Variants in FAT3 observed in about 807,000 individuals in gnomAD.
The protein encoded by FAT3 is FAT atypical cadherin 3.
Under a neutral mutation model 310.2 loss-of-function variants are expected in FAT3, and 95 were observed. That is an observed-to-expected ratio of 0.31 (90% confidence interval 0.26 to 0.36). The LOEUF is 0.36. Among genes scored for constraint, FAT3 ranks in the 10% least tolerant of loss-of-function variants. The pLI is 1.00. For synonymous variants in FAT3, 2,314 were observed against 2,192.9 expected (o/e 1.06, Z -1.54); for missense variants, 5,408 against 5,715.6 (o/e 0.95, Z 1.74).
intron 1 of FAT3, among the ~76,000 whole-genome samples, chr11:92,300,594 C>T (rs1423576590): frequency 2.6e-5 from 4 of 152,084 alleles, no homozygotes; most frequent in Non-Finnish European, 5.9e-5. Context: ...AAAATAGACC[C>T]TTCTCTTTGT....
intron 2 of FAT3, among the ~76,000 whole-genome samples, chr11:92,380,464 C>G (rs7119685): frequency 0.075 from 11,424 of 152,096 alleles, 606 homozygotes; most frequent in African/African-American, 0.14. Context: ...GTTTGAACGC[C>G]CTCAAAGAAA....
chr11:92,656,499 T>A (rs1942588141), intron 3 of FAT3, among the ~76,000 whole-genome samples: 1 of 152,204 alleles, frequency 6.6e-6, no homozygotes, highest in South Asian at 2.1e-4. Context: ...CATGTAGACA[T>A]CTTCTTGATG....
chr11:92,847,324 G>A (rs1029505796), intron 19 of FAT3, among the ~76,000 whole-genome samples: 3 of 152,130 alleles, frequency 2.0e-5, no homozygotes, highest in Non-Finnish European at 4.4e-5. Context: ...ACAGTAGCAT[G>A]CTGTACAAGC....
chr11:92,244,206 A>C (rs1439739616), intron 1 of FAT3, among the ~76,000 whole-genome samples: 1 of 152,044 alleles, frequency 6.6e-6, no homozygotes, highest in East Asian at 1.9e-4. Flanking sequence ...ATTTTCTTTT[A>C]CTGTGTTTAT....
chr11:92,352,862 A>G lies in FAT3; in HGVS notation c.750A>G (p.Ala250=), dbSNP rs1948606453. The G allele has an allele frequency of 3.1e-6, 5 of 1,613,852 alleles. No individual in the cohort carries two copies. Among genetic ancestry groups the G allele is most frequent in the Non-Finnish European group, 4.2e-6 (5 of 1,179,888 alleles). ...GGAACAATGGAGTGAGCAGTACTGC[A>G]AAGCTTTATGTTCACATTGAGCGCA... ...LYGNNGVSST[A]KLYVHIERIN... The change falls in exon 2 of 28, where the codon GCA becomes GCG. Residue 250 remains alanine, a synonymous_variant. Transcript: ENST00000525166.
intron 4 of FAT3, among the ~76,000 whole-genome samples, chr11:92,728,093 C>T (rs904035565): frequency 6.6e-6 from 1 of 152,152 alleles, no homozygotes; most frequent in Non-Finnish European, 1.5e-5. Flanking sequence ...TAGAGCTTCT[C>T]ATCCCAAATA....
chr11:92,323,576 T>C (rs1947683720), intron 1 of FAT3, among the ~76,000 whole-genome samples: 1 of 143,368 alleles, frequency 7.0e-6, no homozygotes, highest in Admixed American at 6.8e-5. Flanking sequence ...TAAGGGAATC[T>C]TTTTTTTTCT....
At chr11:92,867,664 C>T (rs1341934031) in intron 22 of FAT3, among the ~76,000 whole-genome samples, 2 of 152,124 alleles carry the variant, frequency 1.3e-5, no homozygotes. Flanking sequence ...CTAAGACTTA[C>T]AACCTTACTA....
chr11:92,717,071 G>A (rs535499885), intron 4 of FAT3, among the ~76,000 whole-genome samples: 4 of 152,164 alleles, frequency 2.6e-5, no homozygotes, highest in South Asian at 2.1e-4. Context: ...CCACCTTATC[G>A]GGTTGTTTTA....
intron 13 of FAT3, among the ~76,000 whole-genome samples, chr11:92,823,260 T>C (rs1312758152): frequency 2.0e-5 from 3 of 152,210 alleles, no homozygotes; most frequent in Non-Finnish European, 4.4e-5. Context: ...AGACATTCCA[T>C]GTACCAATAA....
chr11:92,380,758 C>G (rs1565272793), intron 2 of FAT3, among the ~76,000 whole-genome samples: 1 of 152,150 alleles, frequency 6.6e-6, no homozygotes, highest in Non-Finnish European at 1.5e-5. Context: ...AATATAGACT[C>G]CCATTTTTCA....
At chr11:92,867,666 A>G (rs187109732) in intron 22 of FAT3, among the ~76,000 whole-genome samples, 6 of 152,264 alleles carry the variant, frequency 3.9e-5, no homozygotes, top group Admixed American at 2.6e-4. Flanking sequence ...AAGACTTACA[A>G]CCTTACTAGA....
rs1219335484 is a variant in FAT3, at chr11:92,893,018, A to T, written c.*1905A>T. ...GCTTAATGAGCAAATCTGTGTCCAC[A>T]GTTTCTGATGACATATGGCATTGGT... On this transcript the variant is annotated 3_prime_UTR_variant, in exon 28 of 28. Coordinates refer to ENST00000525166, the MANE Select transcript of FAT3 (RefSeq NM_001367949.2). 2 of 152,224 alleles carry T rather than the reference A, an allele frequency of 1.3e-5. No homozygotes were observed. Among genetic ancestry groups the T allele is most frequent in the Non-Finnish European group, 2.9e-5 (2 of 68,052 alleles). 9.4% of individuals were successfully genotyped at this position (152,224 alleles called of 1,614,324 possible).
chr11:92,398,026 A>G (rs1242968220), intron 2 of FAT3, among the ~76,000 whole-genome samples: 1 of 152,106 alleles, frequency 6.6e-6, no homozygotes, highest in African/African-American at 2.4e-5. Context: ...TAAGAAGCCT[A>G]AAATCAAGGT....
At chr11:92,408,638 T>G (rs2134904743) in intron 2 of FAT3, among the ~76,000 whole-genome samples, 1 of 152,308 alleles carries the variant, frequency 6.6e-6, no homozygotes, top group East Asian at 1.9e-4. Flanking sequence ...GGGTTCCAGG[T>G]TTGCAAGGAC....
chr11:92,444,893 C>G (rs1951174389), intron 2 of FAT3, among the ~76,000 whole-genome samples: 1 of 152,128 alleles, frequency 6.6e-6, no homozygotes, highest in Non-Finnish European at 1.5e-5. Flanking sequence ...AAAGTTCTGT[C>G]ATTTTGATGG....
chr11:92,342,716 C>CT (rs986273726), intron 1 of FAT3, among the ~76,000 whole-genome samples: 22 of 151,866 alleles, frequency 1.4e-4, no homozygotes, highest in Non-Finnish European at 2.2e-4. Flanking sequence ...AAAAGGTTTT[C>CT]TTTTTTTTCT....
chr11:92,576,612 T>C (rs753865189), intron 3 of FAT3, among the ~76,000 whole-genome samples: 1 of 152,136 alleles, frequency 6.6e-6, no homozygotes, highest in Middle Eastern at 3.2e-3. Flanking sequence ...GTTTACATAC[T>C]CTGTGGAATA....
At chr11:92,665,883 G>A (rs1942932782) in intron 3 of FAT3, among the ~76,000 whole-genome samples, 1 of 152,186 alleles carries the variant, frequency 6.6e-6, no homozygotes, top group Non-Finnish European at 1.5e-5. Flanking sequence ...GAACTTGCTT[G>A]CAATAGGCCA....
Sources: gnomAD v4.1 joint callset for allele counts (sites outside exome capture counted in the v4.1 genomes callset) on GRCh38, gnomAD v4.1.1 for gene constraint, MANE v1.5 for transcripts, NCBI Gene and HGNC (gene_info 2026-07-23, HGNC 2026-07-21) for gene names.